DOCK8: variants seen among roughly 807,000 people sequenced by gnomAD.
DOCK8 encodes dedicator of cytokinesis protein 8.
Under a neutral mutation model 245.6 loss-of-function variants are expected in DOCK8, and 141 were observed. The observed-to-expected ratio is 0.57, with a 90% confidence interval of 0.50 to 0.66. The LOEUF (loss-of-function observed/expected upper bound fraction) is 0.66, where lower values mean the gene tolerates loss of function less well. Among genes scored for constraint, DOCK8 ranks in the 30% least tolerant of loss-of-function variants. The pLI is 0.00. For synonymous variants in DOCK8, 1,168 were observed against 970.2 expected (o/e 1.20, Z -3.79); for missense variants, 2,965 against 2,603.4 (o/e 1.14, Z -3.02).
chr9:430,735 A>G (rs2056677027), intron 36 of DOCK8, among the ~76,000 whole-genome samples: 1 of 151,976 alleles, frequency 6.6e-6, no homozygotes. Flanking sequence ...TCTGTGGGGG[A>G]AAAAATACAA....
chr9:254,922 G>A (rs1362354224), intron 1 of DOCK8, among the ~76,000 whole-genome samples: 1 of 152,170 alleles, frequency 6.6e-6, no homozygotes, highest in Admixed American at 6.5e-5. Flanking sequence ...AATCTCAGGA[G>A]GGTGGCGCTC....
intron 7 of DOCK8, among the ~76,000 whole-genome samples, chr9:318,792 C>A (rs1359983239): frequency 2.0e-5 from 3 of 152,268 alleles, no homozygotes; most frequent in South Asian, 2.1e-4. Flanking sequence ...GTTTAGGAAG[C>A]CTTCGCTATT....
intron 22 of DOCK8, 32 bp from the exon 23 acceptor site, chr9:386,299 T>G (rs1317969462): frequency 6.3e-7 from 1 of 1,588,638 alleles, no homozygotes; most frequent in Non-Finnish European, 8.6e-7. Context: ...CCATGGTTGG[T>G]TGACTGTTAA....
At chr9:224,427 AAAG>A (rs1475484996) in intron 1 of DOCK8, among the ~76,000 whole-genome samples, 1 of 152,152 alleles carries the variant, frequency 6.6e-6, no homozygotes, top group Non-Finnish European at 1.5e-5. Context: ...ACATTAGCAA[AAAG>A]AAGATGTGAT....
At chr9:354,899 C>G (rs2052350070) in intron 14 of DOCK8, among the ~76,000 whole-genome samples, 1 of 152,172 alleles carries the variant, frequency 6.6e-6, no homozygotes, top group African/African-American at 2.4e-5. Context: ...CACTTTTGTC[C>G]TATTTTGACA....
intron 26 of DOCK8, among the ~76,000 whole-genome samples, chr9:404,319 C>G (rs1294676695): frequency 6.6e-6 from 1 of 152,006 alleles, no homozygotes; most frequent in Non-Finnish European, 1.5e-5. Context: ...AAAAACTCTT[C>G]TAGCTTTCTT....
chr9:296,373 T>G (rs1443735263), intron 4 of DOCK8, among the ~76,000 whole-genome samples: 1 of 152,216 alleles, frequency 6.6e-6, no homozygotes, highest in Non-Finnish European at 1.5e-5. Context: ...GCTGAACTCT[T>G]AAGAAATTAA....
intron 26 of DOCK8, among the ~76,000 whole-genome samples, chr9:400,159 ACCACCAC>A (rs2054767224): frequency 9.8e-5 from 10 of 102,020 alleles, no homozygotes; most frequent in African/African-American, 3.4e-4. Context: ...CATCACCACC[ACCACCAC>A]CTCCACCATC....
At chr9:378,337 G>C (rs2053601165) in intron 20 of DOCK8, among the ~76,000 whole-genome samples, 1 of 152,228 alleles carries the variant, frequency 6.6e-6, no homozygotes, top group South Asian at 2.1e-4. Flanking sequence ...AGAAAAGTGT[G>C]GGAGTGTCAG....
At chr9:434,103 A>T in intron 38 of DOCK8, 128 bp downstream of exon 38, 1 of 725,808 alleles carries the variant, frequency 1.4e-6, no homozygotes, top group Non-Finnish European at 2.4e-6. Context: ...CAAATAATAT[A>T]TAGAAATTAA....
chr9:403,835 A>C (rs2055225070), intron 26 of DOCK8, among the ~76,000 whole-genome samples: 1 of 146,886 alleles, frequency 6.8e-6, no homozygotes, highest in African/African-American at 2.5e-5. Flanking sequence ...ACTGCACTCC[A>C]GTTCAACAGA....
Position 220,826 on chromosome 9 carries a change from T to C in DOCK8, c.53+5797T>C, listed in dbSNP as rs1321045591. 8 of 347,778 alleles carry C rather than the reference T, an allele frequency of 2.3e-5. No homozygotes were observed. The East Asian group carries it at 8.6e-4, about 37-fold the overall frequency. The allele number at this position is 347,778 out of a possible 1,614,324, so 21.5% of individuals were successfully genotyped here. On this transcript the variant is annotated intron_variant, in intron 1 of 47. Transcript: ENST00000432829. ...ACCTCTGCCTCCCGGATTCAAGCGA[T>C]TCTCCTGCCTCAGCCTCCTGAGTAG...
chr9:414,027 C>G (rs577559886), intron 28 of DOCK8, among the ~76,000 whole-genome samples: 219 of 151,746 alleles, frequency 1.4e-3, no homozygotes, highest in African/African-American at 5.1e-3. Context: ...CTGTAGTCCC[C>G]GCTACTTGGG....
chr9:420,840 C>A, intron 31 of DOCK8, 109 bp from the exon 32 acceptor site: 1 of 1,469,534 alleles, frequency 6.8e-7, no homozygotes, highest in Non-Finnish European at 9.5e-7. Flanking sequence ...CTCAGTGAAG[C>A]ACATGTCAAA....
intron 14 of DOCK8, among the ~76,000 whole-genome samples, chr9:359,415 T>C (rs1269581703): frequency 6.6e-6 from 1 of 152,208 alleles, no homozygotes; most frequent in African/African-American, 2.4e-5. Flanking sequence ...GTACCTGTCA[T>C]AGATGCTTGT....
chr9:457,434 G>A (rs1474366862), intron 46 of DOCK8, among the ~76,000 whole-genome samples: 3 of 152,226 alleles, frequency 2.0e-5, no homozygotes, highest in African/African-American at 4.8e-5. Flanking sequence ...ATCAGTAAGT[G>A]TAACATTGTT....
At chr9:448,983 T>C (rs1367848416) in intron 44 of DOCK8, among the ~76,000 whole-genome samples, 6 of 152,232 alleles carry the variant, frequency 3.9e-5, no homozygotes, top group African/African-American at 9.6e-5. Context: ...ACAGGTGATA[T>C]CAAAAGCCTG....
intron 23 of DOCK8, among the ~76,000 whole-genome samples, chr9:390,250 GCAGCACTGACCC>G (rs899105370): frequency 1.1e-4 from 16 of 152,264 alleles, no homozygotes; most frequent in Admixed American, 9.2e-4. Context: ...TCTGTCCTGT[GCAGCACTGACCC>G]CAGCCTTCTA....
intron 14 of DOCK8, among the ~76,000 whole-genome samples, chr9:347,499 C>CT (rs1414153562): frequency 2.6e-5 from 4 of 152,120 alleles, no homozygotes; most frequent in South Asian, 2.1e-4. Flanking sequence ...GAGTGAGACT[C>CT]TTTCAAAAAA....
Sources: gnomAD v4.1 joint callset for allele counts (sites outside exome capture counted in the v4.1 genomes callset) on GRCh38, gnomAD v4.1.1 for gene constraint, MANE v1.5 for transcripts, NCBI Gene and HGNC (gene_info 2026-07-23, HGNC 2026-07-21) for gene names.